PLCE1: variants seen among roughly 807,000 people sequenced by gnomAD.
The protein encoded by PLCE1 is phospholipase C epsilon 1.
PLCE1 carries 119 observed loss-of-function variants against 242.8 expected under a neutral mutation model. The ratio of observed to expected loss-of-function variants is 0.49; its 90% CI spans 0.42 to 0.57. The LOEUF (loss-of-function observed/expected upper bound fraction) is 0.57. Ranked by LOEUF, PLCE1 falls within the 20% of genes least tolerant of loss-of-function variation. The probability of loss-of-function intolerance (pLI) is 0.00; values close to 1 mark genes in which losing one functional copy is unlikely to be tolerated. For missense variants in PLCE1, 2,441 were observed against 2,788.8 expected (o/e 0.88, Z 2.81); for synonymous variants, 945 against 1,017.4 (o/e 0.93, Z 1.35).
chr10:94,228,784 G>A (rs2050038330), intron 5 of PLCE1, among the ~76,000 whole-genome samples: 2 of 151,968 alleles, frequency 1.3e-5, no homozygotes, highest in African/African-American at 4.8e-5. Context: ...CATCAGGCAT[G>A]GCTCAAAAGA....
chr10:94,097,775 G>A (rs187581908), intron 2 of PLCE1, among the ~76,000 whole-genome samples: 15 of 152,346 alleles, frequency 9.8e-5, no homozygotes, highest in African/African-American at 3.1e-4. Flanking sequence ...GCAGGAGCCT[G>A]CTGCCATCGT....
intron 2 of PLCE1, among the ~76,000 whole-genome samples, chr10:94,095,432 C>T (rs1025692283): frequency 2.8e-4 from 42 of 152,296 alleles, no homozygotes; most frequent in African/African-American, 1.0e-3. Context: ...TCTTGGCTCA[C>T]TGTAACCTCC....
chr10:94,128,697 G>A (rs2046507861), intron 2 of PLCE1, among the ~76,000 whole-genome samples: 1 of 152,124 alleles, frequency 6.6e-6, no homozygotes, highest in Non-Finnish European at 1.5e-5. Context: ...ACTAGCACAG[G>A]CAAGAGCACA....
chr10:94,271,783 G>A (rs1183775781), intron 18 of PLCE1, among the ~76,000 whole-genome samples: 3 of 152,116 alleles, frequency 2.0e-5, no homozygotes, highest in African/African-American at 7.2e-5. Flanking sequence ...TTTTCCCTAA[G>A]TGTCAGCCAG....
At chr10:94,037,052 A>G (rs2061678642) in intron 2 of PLCE1, among the ~76,000 whole-genome samples, 1 of 152,250 alleles carries the variant, frequency 6.6e-6, no homozygotes, top group South Asian at 2.1e-4. Context: ...TAGAAAAGCT[A>G]TAATTTAAAA....
At chr10:94,144,773 C>A (rs1395502266) in intron 3 of PLCE1, among the ~76,000 whole-genome samples, 1 of 152,146 alleles carries the variant, frequency 6.6e-6, no homozygotes, top group Non-Finnish European at 1.5e-5. Flanking sequence ...GAGTGGTGAG[C>A]TGGAGGGTTT....
intron 3 of PLCE1, among the ~76,000 whole-genome samples, chr10:94,136,495 C>T (rs754923782): frequency 4.6e-5 from 7 of 152,106 alleles, no homozygotes; most frequent in Non-Finnish European, 8.8e-5. Flanking sequence ...TAAGAAAGAA[C>T]CGAAACGCTC....
At chr10:94,287,337 G>A (rs1377736022) in intron 22 of PLCE1, 1 of 151,796 alleles carries the variant, frequency 6.6e-6, no homozygotes, top group Non-Finnish European at 1.5e-5. Flanking sequence ...ACAATCATTT[G>A]TTTGATGCAC....
At chr10:94,217,019 C>T (rs1465522535) in intron 4 of PLCE1, among the ~76,000 whole-genome samples, 1 of 147,352 alleles carries the variant, frequency 6.8e-6, no homozygotes, top group Admixed American at 6.8e-5. Flanking sequence ...AATTAGCAAA[C>T]AGTCTAATTT....
chr10:94,311,067 T>G (rs192358058), intron 27 of PLCE1, among the ~76,000 whole-genome samples: 1 of 152,172 alleles, frequency 6.6e-6, no homozygotes, highest in Non-Finnish European at 1.5e-5. Flanking sequence ...AGCAGCCTCA[T>G]GGAAGGATGC....
At chr10:94,086,491 A>AT (rs751457765) in intron 2 of PLCE1, among the ~76,000 whole-genome samples, 1 of 152,094 alleles carries the variant, frequency 6.6e-6, no homozygotes, top group Non-Finnish European at 1.5e-5. Context: ...CTAAGCTCCC[A>AT]TTGTCCTTTA....
chr10:94,241,738 G>A (rs2050510589), intron 7 of PLCE1, among the ~76,000 whole-genome samples: 1 of 142,078 alleles, frequency 7.0e-6, no homozygotes, highest in Non-Finnish European at 1.5e-5. Flanking sequence ...AGTGAGCTGA[G>A]ATTGTGCCAC....
intron 24 of PLCE1, among the ~76,000 whole-genome samples, chr10:94,299,727 G>A (rs1436070188): frequency 6.6e-6 from 1 of 152,178 alleles, no homozygotes; most frequent in South Asian, 2.1e-4. Context: ...TAGCTACCTG[G>A]CACTGGTGCC....
At chr10:94,322,091 T>C in intron 30 of PLCE1, 32 bp downstream of exon 30, 2 of 1,600,214 alleles carry the variant, frequency 1.2e-6, no homozygotes, top group Non-Finnish European at 1.7e-6. Flanking sequence ...ACCTGAGTCC[T>C]TTCCTCAGCA....
At chr10:94,056,651 C>A (rs1331579702) in intron 2 of PLCE1, among the ~76,000 whole-genome samples, 1 of 152,002 alleles carries the variant, frequency 6.6e-6, no homozygotes, top group Admixed American at 6.6e-5. Flanking sequence ...AGATAACTCA[C>A]ATAATATAAA....
intron 25 of PLCE1, 100 bp downstream of exon 25, chr10:94,304,745 A>G: frequency 8.7e-7 from 1 of 1,147,524 alleles, no homozygotes; most frequent in African/African-American, 1.5e-5. Context: ...GTCATGTCAC[A>G]ATTTGGGTCA....
intron 2 of PLCE1, among the ~76,000 whole-genome samples, chr10:94,115,454 C>A (rs1405486742): frequency 6.6e-6 from 1 of 152,146 alleles, no homozygotes; most frequent in African/African-American, 2.4e-5. Context: ...TTAATGATGG[C>A]CATTCTAACT....
intron 2 of PLCE1, among the ~76,000 whole-genome samples, chr10:94,080,297 G>A (rs954576774): frequency 6.6e-6 from 1 of 151,996 alleles, no homozygotes; most frequent in Non-Finnish European, 1.5e-5. Context: ...CCTCTGTCTG[G>A]GACACACTCT....
chr10:94,243,908 T>G (rs1406391002), intron 7 of PLCE1, among the ~76,000 whole-genome samples: 1 of 152,258 alleles, frequency 6.6e-6, no homozygotes, highest in Non-Finnish European at 1.5e-5. Context: ...CTTGTGTGTC[T>G]TGCTTAAAAT....
Sources: gnomAD v4.1 joint callset for allele counts (sites outside exome capture counted in the v4.1 genomes callset) on GRCh38, gnomAD v4.1.1 for gene constraint, MANE v1.5 for transcripts, NCBI Gene and HGNC (gene_info 2026-07-23, HGNC 2026-07-21) for gene names.